Variants in MATR3 observed in about 807,000 individuals in gnomAD.
MATR3 encodes the protein matrin-3.
MATR3 carries 4 observed loss-of-function variants against 85.5 expected under a neutral mutation model. The ratio of observed to expected loss-of-function variants is 0.05; its 90% CI spans 0.02 to 0.11. The LOEUF (loss-of-function observed/expected upper bound fraction) is 0.11. Among genes scored for constraint, MATR3 ranks in the 10% least tolerant of loss-of-function variants. The pLI is 1.00. For synonymous variants in MATR3, 336 were observed against 343.1 expected (o/e 0.98, Z 0.23); for missense variants, 685 against 1,016.1 (o/e 0.67, Z 4.43).
intron 1 of MATR3, among the ~76,000 whole-genome samples, chr5:139,305,518 C>CT (rs1357889468): frequency 3.3e-5 from 5 of 152,164 alleles, no homozygotes. Context: ...GAAAAACCCT[C>CT]TAAAGGATTT....
intron 10 of MATR3, 142 bp from the exon 11 acceptor site, chr5:139,322,321 T>C: frequency 2.4e-6 from 2 of 829,298 alleles, no homozygotes; most frequent in Non-Finnish European, 4.0e-6. Flanking sequence ...GATGAATGTC[T>C]GTAGGCAGCT....
At chr5:139,322,060 C>T in intron 10 of MATR3, 31 bp downstream of exon 10, 1 of 1,610,526 alleles carries the variant, frequency 6.2e-7, no homozygotes, top group South Asian at 1.1e-5. Context: ...CATCATTTAA[C>T]AGCTTGTTTT....
intron 2 of MATR3, among the ~76,000 whole-genome samples, chr5:139,309,438 G>A (rs1561934340): frequency 6.6e-6 from 1 of 152,020 alleles, no homozygotes; most frequent in Non-Finnish European, 1.5e-5. Flanking sequence ...CCTTTGATAA[G>A]CATTTTTTAG....
chr5:139,274,580 A>G (rs1753198112), intron 1 of MATR3, among the ~76,000 whole-genome samples: 1 of 152,224 alleles, frequency 6.6e-6, no homozygotes, highest in Non-Finnish European at 1.5e-5. Flanking sequence ...ATTTGGAGGA[A>G]GTCAGGAGTG....
chr5:139,304,752 G>A (rs1754624042), intron 1 of MATR3, among the ~76,000 whole-genome samples: 1 of 152,118 alleles, frequency 6.6e-6, no homozygotes, highest in Non-Finnish European at 1.5e-5. Context: ...GTTTCCTATA[G>A]AAAGGCAATT....
Position 139,307,439 on chromosome 5 carries a change from A to G in MATR3, c.24A>G (p.Ser8=). 2 of 1,613,964 alleles carry G rather than the reference A, an allele frequency of 1.2e-6. No homozygotes were observed. Among genetic ancestry groups the G allele is most frequent in the Non-Finnish European group, 8.5e-7 (1 of 1,179,966 alleles). The change falls in exon 2 of 15, where the codon TCA becomes TCG. Residue 8 remains serine (S), a synonymous_variant. Coordinates refer to ENST00000394805, the MANE Select transcript of MATR3 (RefSeq NM_018834.6). The surrounding 1 kb of genome is among the most constrained non-coding windows in gnomAD (Gnocchi z 4.4). ...CAATGTCCAAGTCATTCCAGCAGTCATCTCTCAGTAGGGACTCACAGGGTC... is the reference window on the plus strand; with the variant it reads ...CAATGTCCAAGTCATTCCAGCAGTCGTCTCTCAGTAGGGACTCACAGGGTC... The part of the protein sequence containing the change: MSKSFQQ[S]SLSRDSQGHG...
At chr5:139,317,841 C>T (rs1285796602) in intron 7 of MATR3, 120 bp downstream of exon 7, 3 of 986,656 alleles carry the variant, frequency 3.0e-6, no homozygotes, top group Non-Finnish European at 4.5e-6. Flanking sequence ...TTATCAAATG[C>T]AGAATGTAGT....
intron 2 of MATR3, chr5:139,278,405 T>C (rs759086594): frequency 4.4e-6 from 2 of 452,948 alleles, no homozygotes; most frequent in African/African-American, 4.0e-5. Flanking sequence ...TGTGCAGTTT[T>C]CAGGTAAATA....
At chr5:139,328,216 A>G (rs938698037) in intron 14 of MATR3, among the ~76,000 whole-genome samples, 1 of 151,972 alleles carries the variant, frequency 6.6e-6, no homozygotes, top group African/African-American at 2.4e-5. Context: ...TCATCAAGAA[A>G]CTGTTAAGCA....
rs775074146 is a variant in MATR3, at chr5:139,304,670, G to A, written c.-177-2569G>A. 3.9e-5 allele frequency among the ~76,000 whole-genome samples: 6 copies of A among 152,076 alleles called. No individual in the cohort carries two copies. In the South Asian group the frequency reaches 1.2e-3, roughly 31 times the overall value. On this transcript the variant is annotated intron_variant, in intron 1 of 14. Coordinates refer to ENST00000394805, the MANE Select transcript of MATR3 (RefSeq NM_018834.6). ...CACTAGTATATAGAGATTTTAAATA[G>A]GTAAATTGGATTTTGATAATAAATG...
chr5:139,315,304 ATTCT>A (rs774697822), intron 3 of MATR3: 8 of 222,762 alleles, frequency 3.6e-5, no homozygotes, highest in Non-Finnish European at 6.2e-5. Flanking sequence ...TGTTGGGGCT[ATTCT>A]TTCTTTCTAA....
Position 139,322,546 on chromosome 5 carries a change from A to T in MATR3, c.1778+40A>T, listed in dbSNP as rs773057744. On this transcript the variant is annotated intron_variant, in intron 11 of 14. Coordinates refer to ENST00000394805, the MANE Select transcript of MATR3 (RefSeq NM_018834.6). ...TTTTTCATATGTGTGAGTATATTCA[A>T]CTTTACTTTTTCAGACAACAAATTA... 39 of 1,568,134 alleles carry T rather than the reference A, an allele frequency of 2.5e-5. 1 individual carries two copies. In the Middle Eastern group the frequency reaches 5.3e-3, roughly 212 times the overall value.
In MATR3 at chr5:139,308,280, T is replaced by C; in HGVS notation, c.865T>C (p.Tyr289His). 6.2e-7 allele frequency: 1 copy of C among 1,614,146 alleles called. No homozygotes were observed. Among genetic ancestry groups the C allele is most frequent in the Non-Finnish European group, 8.5e-7 (1 of 1,179,988 alleles). Residue 289 changes from tyrosine to histidine, a missense_variant, in exon 2 of 15, where the codon TAT (tyrosine) becomes CAT (histidine). This residue lies in a region of MATR3 where 223 missense variants were observed against 334.4 expected (regional missense o/e 0.67). Coordinates refer to ENST00000394805, the MANE Select transcript of MATR3 (RefSeq NM_018834.6). ...EDFHGLLPKG[Y>H]PHLCSICDLP... The stretch of plus-strand genomic sequence containing the variant: ...CTTCCATGGACTCTTACCGAAGGGT[T>C]ATCCCCATCTGTGCTCTATATGTGA...
In MATR3 at chr5:139,317,665, C is replaced by T. The variant is rs763167322; in HGVS notation, c.1252C>T (p.Leu418=). Residue 418 remains leucine (L), a synonymous_variant, in exon 7 of 15, where the codon CTG becomes TTG. Coordinates refer to ENST00000394805, the MANE Select transcript of MATR3 (RefSeq NM_018834.6). ...AAACTTGAGATACCAGCTATTACAG[C>T]TGGTAGAACCATTTGGAGTCATTTC... The part of the protein sequence containing the change: ...GKNLRYQLLQ[L]VEPFGVISNH... 3.0e-5 allele frequency: 48 copies of T among 1,611,052 alleles called. No individual in the cohort carries two copies. The East Asian group carries it at 5.8e-4, about 19-fold the overall frequency.
intron 2 of MATR3, chr5:139,313,900 AGTTTTT>A (rs201044150): frequency 0.032 from 4,818 of 152,018 alleles, 107 homozygotes; most frequent in Non-Finnish European, 0.051. Context: ...TTAAAGTTTT[AGTTTTT>A]GTTTTTGTTT....
intron 1 of MATR3, among the ~76,000 whole-genome samples, chr5:139,301,809 T>C (rs1164728778): frequency 5.9e-5 from 9 of 152,218 alleles, no homozygotes; most frequent in Non-Finnish European, 1.3e-4. Flanking sequence ...TCTTGCCTGA[T>C]TGAAGGTCAC....
rs146576944 is a variant in MATR3, at chr5:139,319,284, A to G, written c.1435-50A>G. 2.6e-4 allele frequency: 404 copies of G among 1,539,340 alleles called. 3 individuals carry two copies. The African/African-American group carries it at 5.0e-3, about 19-fold the overall frequency. On this transcript the variant is annotated intron_variant, in intron 8 of 14. Coordinates refer to ENST00000394805, the MANE Select transcript of MATR3 (RefSeq NM_018834.6). ...AAAGACTAGGATGTTTTTAACTGTT[A>G]ACTAATAATTATTGCACATTTGTCC...
At chr5:139,280,545 G>A (rs914313793) in intron 3 of MATR3, 1 of 152,146 alleles carries the variant, frequency 6.6e-6, no homozygotes, top group African/African-American at 2.4e-5. Context: ...TTGTTTATGT[G>A]TTTTTTTGCA....
intron 3 of MATR3, chr5:139,283,054 T>C (rs1205765355): frequency 6.6e-6 from 1 of 152,296 alleles, no homozygotes; most frequent in Non-Finnish European, 1.5e-5. Flanking sequence ...TATTCTGTCA[T>C]GTAGAGAATA....
Sources: gnomAD v4.1 joint callset for allele counts (sites outside exome capture counted in the v4.1 genomes callset) on GRCh38, gnomAD v4.1.1 for gene constraint, gnomAD v4.1.1 regional missense constraint, Gnocchi (gnomAD v3.1) non-coding constraint, MANE v1.5 for transcripts, NCBI Gene and HGNC (gene_info 2026-07-23, HGNC 2026-07-21) for gene names.